The following USP6NL variants were observed in gnomAD, a reference collection of about 807,000 sequenced individuals.
The protein encoded by USP6NL is USP6 N-terminal-like protein.
A neutral mutation model predicts 61.9 loss-of-function variants in USP6NL; 26 were observed. The ratio of observed to expected loss-of-function variants is 0.42; its 90% CI spans 0.31 to 0.58. USP6NL has a LOEUF of 0.58. Among genes scored for constraint, USP6NL ranks in the 20% least tolerant of loss-of-function variants. The pLI is 0.16. For missense variants in USP6NL, 1,114 were observed against 1,034.3 expected (o/e 1.08, Z -1.06); for synonymous variants, 432 against 390.1 (o/e 1.11, Z -1.27).
Position 11,538,031 on chromosome 10 carries a change from T to C in USP6NL, c.5-10464A>G, listed in dbSNP as rs765084313. On this transcript the variant is annotated intron_variant, in intron 2 of 14. Coordinates refer to ENST00000609104, the MANE Select transcript of USP6NL (RefSeq NM_014688.5). ...GGACAAATTGCCAATATTTTATACA[T>C]AGAGCACCTTGCGTCAGGTAGATAT... 3.9e-5 allele frequency among the ~76,000 whole-genome samples: 6 copies of C among 152,344 alleles called. No homozygotes were observed. The East Asian group carries it at 9.6e-4, about 24-fold the overall frequency.
At chr10:11,567,233 T>C (rs765319092) in intron 2 of USP6NL, among the ~76,000 whole-genome samples, 1 of 152,250 alleles carries the variant, frequency 6.6e-6, no homozygotes, top group Non-Finnish European at 1.5e-5. Flanking sequence ...TTTACAAATT[T>C]AATGGTTTAA....
intron 1 of USP6NL, among the ~76,000 whole-genome samples, chr10:11,610,968 CTTGCAGA>C (rs1838870443): frequency 6.6e-6 from 1 of 152,140 alleles, no homozygotes; most frequent in South Asian, 2.1e-4. Flanking sequence ...ATTTCCAAGA[CTTGCAGA>C]TCTCTCATTC....
rs775915199 is a variant in USP6NL, at chr10:11,553,789, G to A, written c.5-26222C>T. ...TGGGCGCCTGTAATCCCAACTACTC[G>A]CGAGGCTCAGGCAAGAGAACTGCTT... is the stretch of plus-strand genomic sequence containing the variant. On this transcript the variant is annotated intron_variant, in intron 2 of 14. Transcript: ENST00000609104. This position sits in a 1 kb window ranked among gnomAD's most constrained non-coding sequence, Gnocchi z 4.8. Among the ~76,000 whole-genome samples, 6 of 151,812 alleles carry A rather than the reference G, an allele frequency of 4.0e-5. No homozygotes were observed. The highest frequency in any genetic ancestry group is 2.1e-4 in the South Asian group (1 of 4,798).
chr10:11,521,326 TA>T (rs1835198424), intron 4 of USP6NL, among the ~76,000 whole-genome samples: 1 of 147,246 alleles, frequency 6.8e-6, no homozygotes, highest in Non-Finnish European at 1.5e-5. Flanking sequence ...TTATTATATA[TA>T]AAATATATAT....
At chr10:11,577,259 T>G (rs905425641) in intron 2 of USP6NL, among the ~76,000 whole-genome samples, 7 of 151,814 alleles carry the variant, frequency 4.6e-5, no homozygotes, top group Non-Finnish European at 8.8e-5. Context: ...TAGAATGGGG[T>G]TTCACCATGT....
At chr10:11,576,048 A>G (rs780266901) in intron 2 of USP6NL, among the ~76,000 whole-genome samples, 14 of 152,100 alleles carry the variant, frequency 9.2e-5, no homozygotes, top group Non-Finnish European at 1.9e-4. Flanking sequence ...ACTTCAAAAT[A>G]GTTACGGGTA....
At chr10:11,583,204 CCT>C (rs1258223891) in intron 2 of USP6NL, among the ~76,000 whole-genome samples, 2 of 138,934 alleles carry the variant, frequency 1.4e-5, no homozygotes, top group Non-Finnish European at 3.1e-5. Flanking sequence ...TTTTTTTTTC[CCT>C]GAGACGGAGT....
intron 6 of USP6NL, 74 bp downstream of exon 6, chr10:11,509,521 A>G: frequency 7.4e-7 from 1 of 1,346,910 alleles, no homozygotes; most frequent in Non-Finnish European, 1.0e-6. Context: ...CTTATAATTA[A>G]AGAAGAACTT....
At position 11,532,050 on chromosome 10, in the gene USP6NL, A is replaced by T. The variant is rs998305446; in HGVS notation, c.5-4483T>A. On this transcript the variant is annotated intron_variant, in intron 2 of 14. Coordinates refer to ENST00000609104, the MANE Select transcript of USP6NL (RefSeq NM_014688.5). This position sits in a 1 kb window ranked among gnomAD's most constrained non-coding sequence, Gnocchi z 4.1. ...AAATTAGCACCAAACTGCAATGAAA[A>T]ATTCATACAAAGTTACTAAGGTTCA... 2.9e-6 allele frequency: 2 copies of T among 695,544 alleles called. No individual in the cohort carries two copies. The highest frequency in any genetic ancestry group is 6.4e-5 in the Admixed American group (2 of 31,304). 43.1% of individuals were successfully genotyped at this position (695,544 alleles called of 1,614,324 possible). A position where few individuals can be genotyped will look rare whatever the true frequency, so the allele number is the denominator to read the frequency against.
At position 11,488,474 on chromosome 10, in the gene USP6NL, GTTA is replaced by G. The variant is rs534527483; in HGVS notation, c.664+625_664+627del. 1.4e-3 allele frequency among the ~76,000 whole-genome samples: 207 copies of G among 152,286 alleles called. 1 individual carries two copies. Among genetic ancestry groups the G allele is most frequent in the African/African-American group, 4.4e-3 (184 of 41,558 alleles). The stretch of plus-strand genomic sequence containing the variant: ...TTAATTTGGCAAAAACAAGGAAACA[GTTA>G]TTATAAACAGTGTTAACTTGAAAAC... On this transcript the variant is annotated intron_variant, in intron 10 of 14. Coordinates refer to ENST00000609104, the MANE Select transcript of USP6NL (RefSeq NM_014688.5).
chr10:11,598,317 A>AT lies in USP6NL; in HGVS notation c.-83-601dup, dbSNP rs1007498356. ...TTTGGGACATATTTCCTTTCAAGCC[A>AT]TTTTTTTTCTAAGTATTTTAAAAAT... On this transcript the variant is annotated intron_variant, in intron 1 of 14. Coordinates refer to ENST00000609104, the MANE Select transcript of USP6NL (RefSeq NM_014688.5). The surrounding 1 kb of genome is among the most constrained non-coding windows in gnomAD (Gnocchi z 4.7). Among the ~76,000 whole-genome samples, 1 of 151,870 alleles carries AT rather than the reference A, an allele frequency of 6.6e-6. No individual in the cohort carries two copies. Among genetic ancestry groups the AT allele is most frequent in the Admixed American group, 6.6e-5 (1 of 15,230 alleles).
At chr10:11,538,660 C>T (rs916163761) in intron 2 of USP6NL, among the ~76,000 whole-genome samples, 1 of 152,112 alleles carries the variant, frequency 6.6e-6, no homozygotes, top group South Asian at 2.1e-4. Flanking sequence ...AAAAAGTATA[C>T]TTTTGCTAAA....
chr10:11,559,524 T>C (rs1270081587), intron 2 of USP6NL, among the ~76,000 whole-genome samples: 1 of 152,114 alleles, frequency 6.6e-6, no homozygotes, highest in Admixed American at 6.5e-5. Flanking sequence ...TACAGTCTCG[T>C]TTCGACCTTT....
chr10:11,601,342 T>G (rs575071489), intron 1 of USP6NL, among the ~76,000 whole-genome samples: 1 of 152,232 alleles, frequency 6.6e-6, no homozygotes, highest in South Asian at 2.1e-4. Context: ...ATATGTAACA[T>G]ACTATAAAGA....
rs762661517 is a variant in USP6NL, at chr10:11,589,522, A to G, written c.4+8109T>C. On this transcript the variant is annotated intron_variant, in intron 2 of 14. Transcript: ENST00000609104. The surrounding 1 kb of genome is among the most constrained non-coding windows in gnomAD (Gnocchi z 4.7). ...ATTTACATAAAAACTTAATACATAT[A>G]TACATGTTAGCTTTTACAAATTTCT... Among the ~76,000 whole-genome samples the G allele has an allele frequency of 1.3e-5, 2 of 152,212 alleles. No homozygotes were observed. Among genetic ancestry groups the G allele is most frequent in the Non-Finnish European group, 2.9e-5 (2 of 68,046 alleles).
chr10:11,505,024 T>G (rs1311776414), intron 6 of USP6NL, among the ~76,000 whole-genome samples: 1 of 152,204 alleles, frequency 6.6e-6, no homozygotes, highest in African/African-American at 2.4e-5. Flanking sequence ...GGGACAAAGT[T>G]GCTGGGGTGA....
rs1361516185 is a variant in USP6NL at position 11,490,100 on chromosome 10, G to A, written c.543+732C>T. Among the ~76,000 whole-genome samples, 1 of 152,138 alleles carries A rather than the reference G, an allele frequency of 6.6e-6. No individual in the cohort carries two copies. The highest frequency in any genetic ancestry group is 1.9e-4 in the East Asian group (1 of 5,194). ...CCAATTCCGGTGAGGCCCAACTAGT[G>A]CTTCCTTCCTATGAGATGTCCCTTT... On this transcript the variant is annotated intron_variant, in intron 9 of 14. Coordinates refer to ENST00000609104, the MANE Select transcript of USP6NL (RefSeq NM_014688.5). This position sits in a 1 kb window ranked among gnomAD's most constrained non-coding sequence, Gnocchi z 4.5.
intron 2 of USP6NL, among the ~76,000 whole-genome samples, chr10:11,576,362 G>A (rs544926361): frequency 9.9e-5 from 15 of 152,256 alleles, no homozygotes; most frequent in East Asian, 1.9e-4. Flanking sequence ...CCTCCATGCC[G>A]TGATCTGAAT....
chr10:11,532,292 A>G lies in USP6NL; in HGVS notation c.5-4725T>C. 6.8e-7 allele frequency: 1 copy of G among 1,461,896 alleles called. No homozygotes were observed. The highest frequency in any genetic ancestry group is 2.5e-5 in the East Asian group (1 of 40,754). 90.6% of individuals were successfully genotyped at this position (1,461,896 alleles called of 1,614,324 possible). A position where few individuals can be genotyped will look rare whatever the true frequency, so the allele number is the denominator to read the frequency against. On this transcript the variant is annotated intron_variant, in intron 2 of 14. Coordinates refer to ENST00000609104, the MANE Select transcript of USP6NL (RefSeq NM_014688.5). This position sits in a 1 kb window ranked among gnomAD's most constrained non-coding sequence, Gnocchi z 4.1. ...TTTTATAGTTCTCGAACACACCAAG[A>G]GTGCTGCCCGGCGGTACCTCACACA...
Sources: gnomAD v4.1 joint callset for allele counts (sites outside exome capture counted in the v4.1 genomes callset) on GRCh38, gnomAD v4.1.1 for gene constraint, Gnocchi (gnomAD v3.1) non-coding constraint, MANE v1.5 for transcripts, NCBI Gene and HGNC (gene_info 2026-07-23, HGNC 2026-07-21) for gene names.